The following CTNNA3 variants were observed in gnomAD, a reference collection of about 807,000 sequenced individuals.
The protein encoded by CTNNA3 is catenin alpha-3.
CTNNA3 carries 76 observed loss-of-function variants against 95.7 expected under a neutral mutation model. That is an observed-to-expected ratio of 0.79 (90% CI 0.66 to 0.96). CTNNA3 has a LOEUF of 0.96. Ranked by LOEUF, CTNNA3 falls within the 40% of genes least tolerant of loss-of-function variation. The pLI is 0.00. For synonymous variants in CTNNA3, 431 were observed against 374.4 expected, an observed-to-expected ratio of 1.15 and a Z score of -1.74; for missense variants, 1,191 against 1,089.8, an observed-to-expected ratio of 1.09 and a Z score of -1.31.
intron 7 of CTNNA3, among the ~76,000 whole-genome samples, chr10:67,054,382 TAAGTGACC>T (rs927045512): frequency 5.1e-4 from 77 of 152,264 alleles, no homozygotes; most frequent in Admixed American, 3.3e-3. Context: ...CACACAAAGC[TAAGTGACC>T]AATGAGGACA....
At chr10:67,445,606 C>T (rs146783280) in intron 5 of CTNNA3, among the ~76,000 whole-genome samples, 222 of 152,144 alleles carry the variant, frequency 1.5e-3, no homozygotes, top group African/African-American at 4.7e-3. Flanking sequence ...ACTGTTGTAC[C>T]GGGGATTAGA....
chr10:67,733,726 T>C (rs887505521), intron 1 of CTNNA3, among the ~76,000 whole-genome samples: 2 of 152,182 alleles, frequency 1.3e-5, no homozygotes, highest in African/African-American at 4.8e-5. Flanking sequence ...TTTACCTCTC[T>C]TCCTGCCAGG....
chr10:66,258,263 G>A (rs1157960497), intron 13 of CTNNA3, among the ~76,000 whole-genome samples: 2 of 152,086 alleles, frequency 1.3e-5, no homozygotes, highest in Non-Finnish European at 2.9e-5. Flanking sequence ...TCCTTCTAAG[G>A]TACAAATATT....
intron 7 of CTNNA3, among the ~76,000 whole-genome samples, chr10:67,096,707 T>G (rs530924866): frequency 6.6e-6 from 1 of 152,016 alleles, no homozygotes; most frequent in African/African-American, 2.4e-5. Flanking sequence ...GTTTCCCTTC[T>G]CACCATGGTC....
chr10:67,714,127 C>T (rs1841128754), intron 1 of CTNNA3, among the ~76,000 whole-genome samples: 1 of 152,124 alleles, frequency 6.6e-6, no homozygotes, highest in South Asian at 2.1e-4. Flanking sequence ...ACACAGAGTC[C>T]CTACTGGGAC....
At chr10:66,189,963 G>T (rs756408309) in intron 13 of CTNNA3, among the ~76,000 whole-genome samples, 1 of 151,448 alleles carries the variant, frequency 6.6e-6, no homozygotes, top group Non-Finnish European at 1.5e-5. Flanking sequence ...ACTTAAAATG[G>T]CAGTCCCACA....
chr10:66,618,517 C>T (rs1298729699), intron 10 of CTNNA3, among the ~76,000 whole-genome samples: 1 of 152,078 alleles, frequency 6.6e-6, no homozygotes, highest in Non-Finnish European at 1.5e-5. Flanking sequence ...AGGTAGAAAG[C>T]TGAAACTGGA....
chr10:66,318,115 A>G (rs958627743), intron 12 of CTNNA3, among the ~76,000 whole-genome samples: 3 of 151,888 alleles, frequency 2.0e-5, no homozygotes, highest in Non-Finnish European at 2.9e-5. Flanking sequence ...ATGAAGCTTT[A>G]TTTTCAAAAT....
intron 6 of CTNNA3, among the ~76,000 whole-genome samples, chr10:67,199,513 G>A (rs1196297277): frequency 6.6e-6 from 1 of 152,090 alleles, no homozygotes; most frequent in African/African-American, 2.4e-5. Context: ...GGGACTACAG[G>A]CGCATGCCAC....
intron 5 of CTNNA3, among the ~76,000 whole-genome samples, chr10:67,264,688 C>T (rs562898299): frequency 1.3e-5 from 2 of 152,244 alleles, no homozygotes; most frequent in African/African-American, 4.8e-5. Flanking sequence ...GTTTTCTCCT[C>T]TCTTCTTCTC....
chr10:66,858,873 T>A (rs1252931783), intron 7 of CTNNA3, among the ~76,000 whole-genome samples: 1 of 152,004 alleles, frequency 6.6e-6, no homozygotes, highest in East Asian at 1.9e-4. Flanking sequence ...TTTTCACGCC[T>A]CAATTTCTTT....
intron 11 of CTNNA3, among the ~76,000 whole-genome samples, chr10:66,489,396 G>T (rs10997179): frequency 0.082 from 12,452 of 152,066 alleles, 1,200 homozygotes; most frequent in East Asian, 0.32. Context: ...TTTTTGGGTT[G>T]TAACTCATGA....
At chr10:67,105,260 G>GATAGATAGATAT (rs924409565) in intron 7 of CTNNA3, among the ~76,000 whole-genome samples, 84 of 151,974 alleles carry the variant, frequency 5.5e-4, no homozygotes, top group African/African-American at 2.0e-3. Flanking sequence ...TAGATAGATA[G>GATAGATAGATAT]AATTAATTCT....
At chr10:67,038,157 A>G (rs1294421978) in intron 7 of CTNNA3, among the ~76,000 whole-genome samples, 3 of 152,146 alleles carry the variant, frequency 2.0e-5, no homozygotes, top group Non-Finnish European at 2.9e-5. Context: ...TATTATATTT[A>G]TAAAGATTAT....
chr10:67,580,293 C>A (rs1198498419), intron 3 of CTNNA3, among the ~76,000 whole-genome samples: 2 of 152,174 alleles, frequency 1.3e-5, no homozygotes, highest in East Asian at 1.9e-4. Context: ...GTTTTCCCAG[C>A]ACCATTTATT....
chr10:66,723,850 G>A (rs1055292747), intron 9 of CTNNA3, among the ~76,000 whole-genome samples: 4 of 152,170 alleles, frequency 2.6e-5, no homozygotes. Flanking sequence ...AGCCTTGTCA[G>A]GGAAGCAGAG....
At chr10:67,736,716 A>G (rs1165168939) in intron 1 of CTNNA3, among the ~76,000 whole-genome samples, 1 of 151,976 alleles carries the variant, frequency 6.6e-6, no homozygotes, top group Non-Finnish European at 1.5e-5. Context: ...CGGCCTCCCA[A>G]AGTGCTGGGA....
At chr10:66,551,807 T>G (rs890777126) in intron 10 of CTNNA3, among the ~76,000 whole-genome samples, 1 of 152,178 alleles carries the variant, frequency 6.6e-6, no homozygotes, top group South Asian at 2.1e-4. Flanking sequence ...TTTGATGTAC[T>G]GTTTTGGAGC....
At chr10:67,134,408 G>A (rs1024612921) in intron 7 of CTNNA3, among the ~76,000 whole-genome samples, 1 of 152,068 alleles carries the variant, frequency 6.6e-6, no homozygotes, top group Non-Finnish European at 1.5e-5. Context: ...CACAAAAAAA[G>A]GAATGTATAT....
Sources: allele counts gnomAD v4.1 joint callset (sites outside exome capture counted in the v4.1 genomes callset), GRCh38; gene constraint gnomAD v4.1.1; transcripts MANE v1.5; gene names NCBI Gene and HGNC (gene_info 2026-07-23, HGNC 2026-07-21).